DCPH1: variants seen among roughly 807,000 people sequenced by gnomAD.
DCPH1 encodes damage control phosphatase 1.
chr6:151,457,799 A>G, the DCPH1 span, among the ~76,000 whole-genome samples: 55,270 of 151,728 alleles, frequency 0.36, 10,314 homozygotes, highest in East Asian at 0.6. Flanking sequence ...ATGTAAAACC[A>G]AGGTGTGAAG....
chr6:151,457,680 T>G, the DCPH1 span, among the ~76,000 whole-genome samples: 1 of 152,178 alleles, frequency 6.6e-6, no homozygotes, highest in African/African-American at 2.4e-5. Context: ...ATGATAAAAA[T>G]GATCTTATAA....
the DCPH1 span, among the ~76,000 whole-genome samples, chr6:151,466,986 C>G: frequency 6.6e-6 from 1 of 152,086 alleles, no homozygotes. Flanking sequence ...CATGGTGGCT[C>G]ACACCTGTAA....
At chr6:151,460,655 G>A in the DCPH1 span, among the ~76,000 whole-genome samples, 3 of 151,572 alleles carry the variant, frequency 2.0e-5, no homozygotes, top group African/African-American at 7.3e-5. Flanking sequence ...GCGGTGGTGC[G>A]CACCTGTAGT....
the DCPH1 span, chr6:151,464,500 A>G: frequency 6.2e-7 from 1 of 1,610,766 alleles, no homozygotes; most frequent in African/African-American, 1.3e-5. Flanking sequence ...AAAGAGCAAA[A>G]TTTCTATGGG....
the DCPH1 span, among the ~76,000 whole-genome samples, chr6:151,453,839 A>G: frequency 6.6e-6 from 1 of 152,222 alleles, no homozygotes; most frequent in Admixed American, 6.5e-5. Flanking sequence ...AATCAAGAAT[A>G]TCTTTAATTT....
chr6:151,467,868 A>G, the DCPH1 span, among the ~76,000 whole-genome samples: 1 of 152,226 alleles, frequency 6.6e-6, no homozygotes. Context: ...AATTTTACAA[A>G]TGAGAGAACC....
chr6:151,453,295 A>C, the DCPH1 span, among the ~76,000 whole-genome samples: 1 of 152,180 alleles, frequency 6.6e-6, no homozygotes, highest in Non-Finnish European at 1.5e-5. Flanking sequence ...TCCTGGCCAG[A>C]GACTTTGTTC....
chr6:151,466,916 C>CT, the DCPH1 span, among the ~76,000 whole-genome samples: 187 of 151,962 alleles, frequency 1.2e-3, no homozygotes, highest in African/African-American at 1.3e-3. Flanking sequence ...TTATTTAAGC[C>CT]TTTTTTTTAA....
At chr6:151,459,309 G>A in the DCPH1 span, among the ~76,000 whole-genome samples, 88 of 152,254 alleles carry the variant, frequency 5.8e-4, no homozygotes, top group African/African-American at 1.8e-3. Flanking sequence ...GATAATAAAC[G>A]TTACAACTTA....
the DCPH1 span, among the ~76,000 whole-genome samples, chr6:151,455,890 C>A: frequency 2.0e-5 from 3 of 152,414 alleles, no homozygotes; most frequent in East Asian, 5.8e-4. Context: ...TTCCGGCCTT[C>A]CGCAGTTTTT....
chr6:151,462,512 ATCAT>A, the DCPH1 span, among the ~76,000 whole-genome samples: 186 of 152,372 alleles, frequency 1.2e-3, 3 homozygotes, highest in South Asian at 0.024. Flanking sequence ...ATAATTATAG[ATCAT>A]TCATTCTCAT....
chr6:151,469,070 C>T, the DCPH1 span: 1 of 1,613,590 alleles, frequency 6.2e-7, no homozygotes, highest in South Asian at 1.1e-5. Context: ...TGGTGGACCA[C>T]TGGAAAATAT....
chr6:151,456,571 A>T, the DCPH1 span, among the ~76,000 whole-genome samples: 1 of 152,206 alleles, frequency 6.6e-6, no homozygotes, highest in Non-Finnish European at 1.5e-5. Flanking sequence ...TTTATCACAC[A>T]AGTATAATTT....
chr6:151,452,554 C>G, the DCPH1 span: 11 of 1,611,604 alleles, frequency 6.8e-6, no homozygotes, highest in Admixed American at 6.7e-5. Context: ...TGATGGCTGT[C>G]GTCCCGGCGT....
chr6:151,468,457 G>A, the DCPH1 span: 1 of 1,612,786 alleles, frequency 6.2e-7, no homozygotes, highest in Non-Finnish European at 8.5e-7. Flanking sequence ...TTTATTGAAT[G>A]ATATGGAACA....
chr6:151,467,366 C>T, the DCPH1 span, among the ~76,000 whole-genome samples: 6 of 151,402 alleles, frequency 4.0e-5, no homozygotes, highest in South Asian at 8.4e-4. Context: ...TGGGAGGCCA[C>T]GGCAGGAGGA....
chr6:151,458,550 A>T, the DCPH1 span: 14 of 1,610,832 alleles, frequency 8.7e-6, no homozygotes, highest in Non-Finnish European at 1.2e-5. Context: ...GTATCGAAGA[A>T]TTCATGAAGC....
At chr6:151,452,474 T>A in the DCPH1 span, 176 of 1,557,234 alleles carry the variant, frequency 1.1e-4, no homozygotes, top group Non-Finnish European at 1.5e-4. Flanking sequence ...CAGCTCCTCC[T>A]TCGCGGCGGT....
the DCPH1 span, among the ~76,000 whole-genome samples, chr6:151,467,882 TC>T: frequency 6.6e-6 from 1 of 152,174 alleles, no homozygotes; most frequent in African/African-American, 2.4e-5. Flanking sequence ...GAGAACCAAA[TC>T]CCAGAGAGGT....
Sources: gnomAD v4.1 joint callset for allele counts (sites outside exome capture counted in the v4.1 genomes callset) on GRCh38, gnomAD v4.1.1 for gene constraint, MANE v1.5 for transcripts, NCBI Gene and HGNC (gene_info 2026-07-23, HGNC 2026-07-21) for gene names.